The following CYSLTR1 variants were observed in gnomAD, a reference collection of about 807,000 sequenced individuals.
CYSLTR1 encodes the protein G-protein coupled receptor HG55.
Under a neutral mutation model 2.1 loss-of-function variants are expected in CYSLTR1, and 1 was observed. The ratio of observed to expected loss-of-function variants is 0.48; its 90% CI spans 0.17 to 2.28. The LOEUF (loss-of-function observed/expected upper bound fraction) is 2.28. Ranked by LOEUF, CYSLTR1 falls within the 30% of genes most tolerant of loss-of-function variation. The pLI is 0.26. For synonymous variants in CYSLTR1, 110 were observed against 89.6 expected (o/e 1.23, Z -1.28); for missense variants, 299 against 250.1 (o/e 1.20, Z -1.32).
intron 2 of CYSLTR1, among the ~76,000 whole-genome samples, chrX:78,277,490 C>T (rs1921643613): frequency 8.9e-6 from 1 of 111,886 alleles, no homozygotes. Flanking sequence ...CCCCCCACAC[C>T]CCTGAAGTGC....
chrX:78,274,902 T>C (rs780002678), intron 2 of CYSLTR1, among the ~76,000 whole-genome samples: 1 of 110,983 alleles, frequency 9.0e-6, no homozygotes, highest in Admixed American at 9.6e-5. Context: ...AACAACCCCA[T>C]CAAAAAGTGG....
At chrX:78,293,633 GC>G (rs1156695146) in intron 1 of CYSLTR1, among the ~76,000 whole-genome samples, 1 of 111,600 alleles carries the variant, frequency 9.0e-6, no homozygotes, top group East Asian at 2.8e-4. Flanking sequence ...CGTAGATTTG[GC>G]CTTTCCACAT....
At chrX:78,321,692 A>AG (rs1331731175) in intron 1 of CYSLTR1, 1 of 106,056 alleles carries the variant, frequency 9.4e-6, no homozygotes, top group Non-Finnish European at 1.9e-5. Context: ...CCCTGTCTCA[A>AG]AAAAAAAAAA....
At chrX:78,307,230 A>G (rs916511470) in intron 1 of CYSLTR1, among the ~76,000 whole-genome samples, 16 of 111,665 alleles carry the variant, frequency 1.4e-4, no homozygotes, top group African/African-American at 4.9e-4. Context: ...TGTCAGCCAG[A>G]ACTAGTATCT....
intron 1 of CYSLTR1, among the ~76,000 whole-genome samples, chrX:78,293,282 C>T (rs1296368899): frequency 9.0e-6 from 1 of 111,003 alleles, no homozygotes; most frequent in Non-Finnish European, 1.9e-5. Context: ...AAATTCTTTT[C>T]TTTAAGAATG....
intron 1 of CYSLTR1, among the ~76,000 whole-genome samples, chrX:78,311,104 A>G (rs911252003): frequency 9.0e-6 from 1 of 111,100 alleles, no homozygotes; most frequent in Non-Finnish European, 1.9e-5. Context: ...CTGTAAATAT[A>G]GAGGTTGCCC....
At chrX:78,274,552 TC>T (rs1226259639) in intron 2 of CYSLTR1, among the ~76,000 whole-genome samples, 2 of 111,708 alleles carry the variant, frequency 1.8e-5, no homozygotes, top group East Asian at 5.6e-4. Flanking sequence ...CTGGATCCCT[TC>T]CTTACACCTT....
rs1921309556 is a variant in CYSLTR1 at position 78,272,509 on chromosome X, A to G, written c.*224T>C. On this transcript the variant is annotated 3_prime_UTR_variant, in exon 3 of 3. Transcript: ENST00000373304. Reference sequence around the variant, plus strand: ...TTCTCCAAATTCTGGTGAGTGGTCAAAATTATTTATAATTCAGTTCATAGT... The same window carrying G: ...TTCTCCAAATTCTGGTGAGTGGTCAGAATTATTTATAATTCAGTTCATAGT... The G allele has an allele frequency of 3.7e-6, 1 of 270,288 alleles. No individual in the cohort carries two copies. Among genetic ancestry groups the G allele is most frequent in the Non-Finnish European group, 6.4e-6 (1 of 155,059 alleles). 22.3% of individuals were successfully genotyped at this position (270,288 alleles called of 1,213,427 possible).
intron 1 of CYSLTR1, among the ~76,000 whole-genome samples, chrX:78,292,616 G>T (rs774368626): frequency 9.0e-6 from 1 of 111,354 alleles, no homozygotes; most frequent in South Asian, 3.7e-4. Flanking sequence ...TCTCTTTGTA[G>T]GTCTCTAAGG....
intron 1 of CYSLTR1, among the ~76,000 whole-genome samples, chrX:78,313,224 C>T (rs754767869): frequency 8.9e-6 from 1 of 111,917 alleles, no homozygotes; most frequent in African/African-American, 3.2e-5. Context: ...GAAAACCAAA[C>T]ACCACATTTC....
chrX:78,285,089 C>T (rs1006460496), intron 1 of CYSLTR1, among the ~76,000 whole-genome samples: 2 of 110,950 alleles, frequency 1.8e-5, no homozygotes, highest in Admixed American at 1.9e-4. Context: ...TAGCTTGTCC[C>T]GGGTCTCCGT....
At chrX:78,291,633 T>C (rs1160426468) in intron 1 of CYSLTR1, among the ~76,000 whole-genome samples, 1 of 111,311 alleles carries the variant, frequency 9.0e-6, no homozygotes, top group Non-Finnish European at 1.9e-5. Flanking sequence ...ATTGCCTCAA[T>C]TTCTGCACCT....
intron 1 of CYSLTR1, among the ~76,000 whole-genome samples, chrX:78,304,682 C>T (rs781483563): frequency 9.0e-6 from 1 of 111,201 alleles, no homozygotes; most frequent in East Asian, 2.8e-4. Context: ...CCCCAAACCT[C>T]CGTGACTTAG....
chrX:78,318,152 T>A (rs780940077), intron 1 of CYSLTR1, among the ~76,000 whole-genome samples: 1 of 111,862 alleles, frequency 8.9e-6, no homozygotes, highest in Non-Finnish European at 1.9e-5. Context: ...CCATCAATGG[T>A]AGACTGAATA....
intron 2 of CYSLTR1, among the ~76,000 whole-genome samples, chrX:78,274,475 G>A (rs894646175): frequency 1.8e-5 from 2 of 111,627 alleles, no homozygotes; most frequent in Admixed American, 1.9e-4. Context: ...GCAAGAAATG[G>A]GGAAAGGATT....
chrX:78,321,163 GTGTGTGTGTGTA>G (rs1171488126), intron 1 of CYSLTR1: 1 of 108,998 alleles, frequency 9.2e-6, no homozygotes, highest in Non-Finnish European at 1.9e-5. Context: ...GTGTGTGTGT[GTGTGTGTGTGTA>G]AGTGCAGGTG....
intron 1 of CYSLTR1, chrX:78,319,966 T>C (rs1923574044): frequency 8.9e-6 from 1 of 112,130 alleles, no homozygotes; most frequent in Admixed American, 9.4e-5. Flanking sequence ...GGTTGTTTTT[T>C]TCTTGTACAT....
rs771554837 is a variant in CYSLTR1 at position 78,306,445 on chromosome X, C to T, written c.-115+20860G>A. Among the ~76,000 whole-genome samples, 18 of 111,342 alleles carry T rather than the reference C, an allele frequency of 1.6e-4. No homozygotes were observed. In the South Asian group the frequency reaches 2.6e-3, roughly 16 times the overall value. On this transcript the variant is annotated intron_variant, in intron 1 of 2. Coordinates refer to ENST00000373304, the MANE Select transcript of CYSLTR1 (RefSeq NM_006639.4). ...TCCCAAAGTGCTGGGATTACACGCA[C>T]GAGCCACTGCACCCAGCCTCCATTG...
intron 1 of CYSLTR1, among the ~76,000 whole-genome samples, chrX:78,316,029 C>A (rs886096191): frequency 7.1e-5 from 8 of 112,318 alleles, no homozygotes; most frequent in African/African-American, 2.6e-4. Context: ...CCACCCTCAG[C>A]TTTAGGTGGT....
Sources: allele counts gnomAD v4.1 joint callset (sites outside exome capture counted in the v4.1 genomes callset), GRCh38; gene constraint gnomAD v4.1.1; transcripts MANE v1.5; gene names NCBI Gene and HGNC (gene_info 2026-07-23, HGNC 2026-07-21).